NRXN3: variants seen among roughly 807,000 people sequenced by gnomAD.
NRXN3 encodes the protein neurexin III.
NRXN3 carries 32 observed loss-of-function variants against 137.6 expected under a neutral mutation model. That is an observed-to-expected ratio of 0.23 (90% CI 0.18 to 0.31). The LOEUF (loss-of-function observed/expected upper bound fraction) is 0.31. Among genes scored for constraint, NRXN3 ranks in the 10% least tolerant of loss-of-function variants. NRXN3 has a pLI of 1.00. For synonymous variants in NRXN3, 798 were observed against 784.5 expected (o/e 1.02, Z -0.29); for missense variants, 1,574 against 2,062.5 (o/e 0.76, Z 4.59).
chr14:78,404,231 G>A (rs998253576), intron 4 of NRXN3, among the ~76,000 whole-genome samples: 7 of 144,192 alleles, frequency 4.9e-5, no homozygotes, highest in African/African-American at 1.3e-4. Context: ...TTAAGTTGTC[G>A]CTGCATGGGA....
At chr14:78,437,611 A>G (rs1239124763) in intron 4 of NRXN3, among the ~76,000 whole-genome samples, 1 of 152,162 alleles carries the variant, frequency 6.6e-6, no homozygotes, top group East Asian at 1.9e-4. Flanking sequence ...GGCCTCTCAA[A>G]GTGCTGAGAT....
chr14:79,835,099 GA>G (rs2099335581), intron 20 of NRXN3, among the ~76,000 whole-genome samples: 1 of 152,066 alleles, frequency 6.6e-6, no homozygotes, highest in Non-Finnish European at 1.5e-5. Flanking sequence ...CTAAGTTCAA[GA>G]GATCTATTGC....
chr14:79,159,009 G>A (rs2060511621), intron 15 of NRXN3, among the ~76,000 whole-genome samples: 1 of 151,906 alleles, frequency 6.6e-6, no homozygotes, highest in South Asian at 2.1e-4. Context: ...AGGACTCTCT[G>A]GTAAAGCTCT....
chr14:79,137,241 T>C (rs1226083378), intron 15 of NRXN3, among the ~76,000 whole-genome samples: 1 of 152,208 alleles, frequency 6.6e-6, no homozygotes, highest in Non-Finnish European at 1.5e-5. Context: ...TTCTAAAGTA[T>C]TTTGGCCTTC....
intron 15 of NRXN3, among the ~76,000 whole-genome samples, chr14:79,427,451 C>T (rs1472642850): frequency 6.6e-6 from 1 of 152,114 alleles, no homozygotes; most frequent in East Asian, 1.9e-4. Flanking sequence ...CAAACACACA[C>T]ACACACAAAC....
At chr14:79,155,397 C>T (rs777896752) in intron 15 of NRXN3, among the ~76,000 whole-genome samples, 5 of 151,802 alleles carry the variant, frequency 3.3e-5, no homozygotes, top group Admixed American at 6.6e-5. Flanking sequence ...GAAAAAGGTA[C>T]GGTATTGTCA....
intron 17 of NRXN3, among the ~76,000 whole-genome samples, chr14:79,674,261 AT>A (rs925766640): frequency 2.4e-4 from 36 of 150,334 alleles, no homozygotes; most frequent in African/African-American, 6.1e-4. Flanking sequence ...TTTTACTTAA[AT>A]TTTTTTTTTA....
chr14:79,126,382 T>A lies in NRXN3; in HGVS notation c.3262+138241T>A, dbSNP rs61992506. Among the ~76,000 whole-genome samples, 126 of 140,616 alleles carry A rather than the reference T, an allele frequency of 9.0e-4. No homozygotes were observed. The Middle Eastern group carries it at 0.011, about 12-fold the overall frequency. 92.2% of individuals were successfully genotyped at this position (140,616 alleles called of 152,430 possible). On this transcript the variant is annotated intron_variant, in intron 15 of 20. Transcript: ENST00000335750. ...ATGTTCCCCTTCCTGTGTCCATGTG[T>A]TCTCATTGTTCAATTCCCACCTATG...
chr14:79,421,491 T>C (rs1019346900), intron 15 of NRXN3, among the ~76,000 whole-genome samples: 1 of 152,196 alleles, frequency 6.6e-6, no homozygotes, highest in Non-Finnish European at 1.5e-5. Flanking sequence ...GTCCTGGTAG[T>C]GTGTGCAGGA....
intron 19 of NRXN3, among the ~76,000 whole-genome samples, chr14:79,737,255 T>C (rs1252328106): frequency 8.5e-5 from 13 of 152,214 alleles, no homozygotes; most frequent in Admixed American, 7.2e-4. Flanking sequence ...TTAGGAAATG[T>C]TGGCTGATGG....
chr14:78,995,484 G>C lies in NRXN3; in HGVS notation c.3262+7343G>C, dbSNP rs530259817. On this transcript the variant is annotated intron_variant, in intron 15 of 20. Coordinates refer to ENST00000335750, the MANE Select transcript of NRXN3 (RefSeq NM_001330195.2). ...GTCCCTTAATATCTATGTTACCTTG[G>C]ACATGATAATTACAGTGCTTCTAAA... 3.3e-5 allele frequency among the ~76,000 whole-genome samples: 5 copies of C among 152,134 alleles called. No homozygotes were observed. In the East Asian group the frequency reaches 9.7e-4, roughly 29 times the overall value.
At chr14:79,400,335 A>G (rs1227259902) in intron 15 of NRXN3, among the ~76,000 whole-genome samples, 5 of 152,120 alleles carry the variant, frequency 3.3e-5, no homozygotes, top group African/African-American at 7.2e-5. Flanking sequence ...ATATTTTCTT[A>G]TATCTATGAA....
At chr14:78,911,583 T>G (rs907924206) in intron 10 of NRXN3, among the ~76,000 whole-genome samples, 2 of 152,220 alleles carry the variant, frequency 1.3e-5, no homozygotes, top group Non-Finnish European at 2.9e-5. Context: ...GGATAGGCAA[T>G]GTGGCATTCC....
chr14:78,666,042 G>T (rs1248033660), intron 6 of NRXN3, among the ~76,000 whole-genome samples: 1 of 151,784 alleles, frequency 6.6e-6, no homozygotes, highest in Non-Finnish European at 1.5e-5. Context: ...TTCAACTTCC[G>T]AATTACTCAG....
chr14:79,505,875 G>A (rs1223463164), intron 16 of NRXN3, among the ~76,000 whole-genome samples: 1 of 152,172 alleles, frequency 6.6e-6, no homozygotes, highest in East Asian at 1.9e-4. Flanking sequence ...GTTTCTGTGG[G>A]TCAGGAGTCT....
At chr14:79,737,745 G>C (rs1484592065) in intron 19 of NRXN3, among the ~76,000 whole-genome samples, 11 of 148,996 alleles carry the variant, frequency 7.4e-5, no homozygotes, top group East Asian at 3.9e-4. Flanking sequence ...TTTTTTTTAA[G>C]TCAGGGTCTC....
At chr14:79,595,383 A>G (rs2153826711) in intron 16 of NRXN3, among the ~76,000 whole-genome samples, 1 of 152,278 alleles carries the variant, frequency 6.6e-6, no homozygotes. Flanking sequence ...AATGTCTTAG[A>G]TGTAGCATGA....
At chr14:79,306,488 C>A (rs2086087294) in intron 15 of NRXN3, among the ~76,000 whole-genome samples, 1 of 152,020 alleles carries the variant, frequency 6.6e-6, no homozygotes, top group Non-Finnish European at 1.5e-5. Context: ...AAAGGTAATG[C>A]TAACTGCTTT....
intron 15 of NRXN3, among the ~76,000 whole-genome samples, chr14:79,113,316 C>A (rs2053858168): frequency 6.6e-6 from 1 of 152,110 alleles, no homozygotes; most frequent in Non-Finnish European, 1.5e-5. Flanking sequence ...TATACTGGGG[C>A]AGTCTAACTT....
Sources: gnomAD v4.1 joint callset for allele counts (sites outside exome capture counted in the v4.1 genomes callset) on GRCh38, gnomAD v4.1.1 for gene constraint, MANE v1.5 for transcripts, NCBI Gene and HGNC (gene_info 2026-07-23, HGNC 2026-07-21) for gene names.